CNTNAP2: variants seen among roughly 807,000 people sequenced by gnomAD.
CNTNAP2 encodes contactin-associated protein-like 2.
CNTNAP2 carries 98 observed loss-of-function variants against 155.2 expected under a neutral mutation model. The observed-to-expected ratio is 0.63, with a 90% CI of 0.54 to 0.75. The LOEUF (loss-of-function observed/expected upper bound fraction) is 0.75, where lower values mean the gene tolerates loss of function less well. CNTNAP2 is among the 30% of genes least tolerant of loss of function. The pLI is 0.00. For missense variants in CNTNAP2, 1,727 were observed against 1,688.1 expected, an observed-to-expected ratio of 1.02 and a Z score of -0.40; for synonymous variants, 651 against 631.2, an observed-to-expected ratio of 1.03 and a Z score of -0.47.
chr7:146,174,229 A>G (rs1056623931), intron 1 of CNTNAP2, among the ~76,000 whole-genome samples: 1 of 151,910 alleles, frequency 6.6e-6, no homozygotes, highest in Non-Finnish European at 1.5e-5. Context: ...AAAAAAAAGA[A>G]AAAAAACCCA....
At chr7:147,371,522 A>G (rs1273932859) in intron 9 of CNTNAP2, among the ~76,000 whole-genome samples, 4 of 152,176 alleles carry the variant, frequency 2.6e-5, no homozygotes, top group Non-Finnish European at 4.4e-5. Flanking sequence ...GAAATTCATG[A>G]AAATTGACAT....
intron 22 of CNTNAP2, among the ~76,000 whole-genome samples, chr7:148,390,018 T>C (rs1799311625): frequency 6.6e-6 from 1 of 152,086 alleles, no homozygotes; most frequent in African/African-American, 2.4e-5. Context: ...CAAGAATCAC[T>C]CACCAAATGA....
At chr7:146,495,723 G>A (rs1797205129) in intron 1 of CNTNAP2, among the ~76,000 whole-genome samples, 1 of 152,014 alleles carries the variant, frequency 6.6e-6, no homozygotes, top group African/African-American at 2.4e-5. Context: ...ATTTCTATTT[G>A]CATTCTAAGA....
At chr7:148,270,653 G>C (rs1021609321) in intron 21 of CNTNAP2, among the ~76,000 whole-genome samples, 21 of 152,214 alleles carry the variant, frequency 1.4e-4, no homozygotes, top group African/African-American at 4.8e-4. Flanking sequence ...AGGGTGAAAG[G>C]GTATGGATGA....
At chr7:147,884,819 G>A (rs780518421) in intron 13 of CNTNAP2, among the ~76,000 whole-genome samples, 24 of 152,264 alleles carry the variant, frequency 1.6e-4, no homozygotes, top group Middle Eastern at 6.8e-3. Flanking sequence ...TTGTGCCATC[G>A]AGAAAGGCTT....
intron 20 of CNTNAP2, among the ~76,000 whole-genome samples, chr7:148,264,327 A>T (rs1796628579): frequency 6.6e-6 from 1 of 152,204 alleles, no homozygotes; most frequent in Admixed American, 6.5e-5. Context: ...ATATACATTA[A>T]AAGTTAACAT....
intron 20 of CNTNAP2, among the ~76,000 whole-genome samples, chr7:148,235,978 C>A (rs564418057): frequency 1.4e-5 from 2 of 148,074 alleles, no homozygotes; most frequent in African/African-American, 4.8e-5. Flanking sequence ...AGCCACCGCG[C>A]CTGGCTACAG....
At chr7:146,729,507 C>T (rs539886319) in intron 1 of CNTNAP2, among the ~76,000 whole-genome samples, 7 of 151,998 alleles carry the variant, frequency 4.6e-5, no homozygotes, top group African/African-American at 1.7e-4. Flanking sequence ...TTGTGTCAAA[C>T]TCCAAAAATA....
intron 15 of CNTNAP2, among the ~76,000 whole-genome samples, chr7:148,082,440 C>T (rs779173098): frequency 2.6e-5 from 4 of 152,066 alleles, no homozygotes; most frequent in Non-Finnish European, 5.9e-5. Flanking sequence ...GATTGCATCT[C>T]TTGTAATATC....
chr7:148,091,931 G>A (rs1284383154), intron 15 of CNTNAP2, among the ~76,000 whole-genome samples: 14 of 152,086 alleles, frequency 9.2e-5, no homozygotes, highest in Non-Finnish European at 4.4e-5. Context: ...AACTTCCCTC[G>A]GGTTCCAGAG....
intron 1 of CNTNAP2, among the ~76,000 whole-genome samples, chr7:146,692,432 C>T (rs1393321059): frequency 1.3e-5 from 2 of 152,152 alleles, no homozygotes; most frequent in South Asian, 2.1e-4. Flanking sequence ...TCAGTGCTTG[C>T]TAATTGTGGG....
chr7:147,302,992 G>A (rs566246283), intron 9 of CNTNAP2, among the ~76,000 whole-genome samples: 3 of 152,244 alleles, frequency 2.0e-5, no homozygotes, highest in African/African-American at 7.2e-5. Flanking sequence ...CAGCGACGCT[G>A]AATGGTGGGA....
intron 1 of CNTNAP2, among the ~76,000 whole-genome samples, chr7:146,697,439 A>C (rs1800801101): frequency 6.6e-6 from 1 of 151,930 alleles, no homozygotes; most frequent in South Asian, 2.1e-4. Flanking sequence ...GGGCTTCATC[A>C]TGTTGGCCAG....
chr7:147,979,093 T>A (rs1030397059), intron 15 of CNTNAP2, among the ~76,000 whole-genome samples: 1 of 152,216 alleles, frequency 6.6e-6, no homozygotes, highest in African/African-American at 2.4e-5. Context: ...GATGCATGCT[T>A]AACAGTTTCC....
chr7:146,652,176 CATTTATTAGTGTTAATTACTTGTGTTA>C (rs1799925755), intron 1 of CNTNAP2, among the ~76,000 whole-genome samples: 1 of 152,040 alleles, frequency 6.6e-6, no homozygotes, highest in African/African-American at 2.4e-5. Context: ...AAGCCACTTG[CATTTATTAGTGTTAATTACTTGTGTTA>C]ATTTTAACAC....
chr7:147,216,462 T>G (rs1803271466), intron 8 of CNTNAP2, among the ~76,000 whole-genome samples: 1 of 152,102 alleles, frequency 6.6e-6, no homozygotes, highest in Non-Finnish European at 1.5e-5. Flanking sequence ...TAGCCTTTGC[T>G]TCTTTGTCAA....
chr7:146,337,435 T>C (rs1801295460), intron 1 of CNTNAP2, among the ~76,000 whole-genome samples: 1 of 152,156 alleles, frequency 6.6e-6, no homozygotes, highest in South Asian at 2.1e-4. Flanking sequence ...AATTATTTTA[T>C]CTTGGAATGC....
chr7:148,115,865 A>G (rs920106165), intron 15 of CNTNAP2, among the ~76,000 whole-genome samples: 2 of 152,140 alleles, frequency 1.3e-5, no homozygotes, highest in African/African-American at 4.8e-5. Context: ...GCAGCCGAGC[A>G]TGGTGGCTCA....
intron 10 of CNTNAP2, among the ~76,000 whole-genome samples, chr7:147,442,063 C>A (rs1421203464): frequency 6.6e-6 from 1 of 152,108 alleles, no homozygotes; most frequent in Non-Finnish European, 1.5e-5. Flanking sequence ...GGGGGCAAAA[C>A]CATCTAGGAC....
Sources: allele counts gnomAD v4.1 joint callset (sites outside exome capture counted in the v4.1 genomes callset), GRCh38; gene constraint gnomAD v4.1.1; transcripts MANE v1.5; gene names NCBI Gene and HGNC (gene_info 2026-07-23, HGNC 2026-07-21).